The following TTC34 variants were observed in gnomAD, a reference collection of about 807,000 sequenced individuals.
TTC34 encodes the protein tetratricopeptide repeat protein 34.
In TTC34, 44 loss-of-function variants were observed where a neutral mutation model predicts 40.7. That is an observed-to-expected ratio of 1.08 (90% CI 0.85 to 1.39). TTC34 has a LOEUF of 1.39. TTC34 is among the 40% of genes most tolerant of loss of function. TTC34 has a pLI of 0.00. For missense variants in TTC34, 884 were observed against 838.0 expected, an observed-to-expected ratio of 1.05 and a Z score of -0.68; for synonymous variants, 422 against 398.6, an observed-to-expected ratio of 1.06 and a Z score of -0.70.
At chr1:2,793,758 T>C (rs542035690) in intron 2 of TTC34, among the ~76,000 whole-genome samples, 1 of 152,336 alleles carries the variant, frequency 6.6e-6, no homozygotes, top group African/African-American at 2.4e-5. Context: ...ACTTCTGAGC[T>C]CTCTAATTCA....
chr1:2,683,493 G>C, intron 6 of TTC34, among the ~76,000 whole-genome samples: 1 of 143,232 alleles, frequency 7.0e-6, no homozygotes, highest in Middle Eastern at 3.7e-3. Context: ...GCATCTGACA[G>C]CCTGGAACGG....
chr1:2,688,171 C>G (rs909228976), intron 6 of TTC34, among the ~76,000 whole-genome samples: 687 of 79,866 alleles, frequency 8.6e-3, no homozygotes, highest in African/African-American at 0.025. Flanking sequence ...CCCACACCCC[C>G]AGGCGAGCAT....
At chr1:2,687,659 A>G (rs1287670732) in intron 6 of TTC34, among the ~76,000 whole-genome samples, 6 of 151,470 alleles carry the variant, frequency 4.0e-5, no homozygotes, top group Non-Finnish European at 7.4e-5. Flanking sequence ...CCAGGTGAGC[A>G]TCTGACAGGC....
intron 2 of TTC34, among the ~76,000 whole-genome samples, chr1:2,795,643 A>G (rs1196189383): frequency 6.6e-6 from 1 of 152,210 alleles, no homozygotes; most frequent in Non-Finnish European, 1.5e-5. Flanking sequence ...CAGACCCTGC[A>G]TCTTGCTGGG....
chr1:2,801,011 G>C (rs1643766864), intron 1 of TTC34, 143 bp from the exon 2 acceptor site: 1 of 397,650 alleles, frequency 2.5e-6, no homozygotes, highest in Non-Finnish European at 4.4e-6. Flanking sequence ...AAAACTGGGG[G>C]GATCCTGGGC....
At chr1:2,772,981 C>G (rs1642510015) in intron 6 of TTC34, among the ~76,000 whole-genome samples, 1 of 147,460 alleles carries the variant, frequency 6.8e-6, no homozygotes, top group Non-Finnish European at 1.5e-5. Flanking sequence ...TGCACACCCC[C>G]AGGCGAGCAT....
At chr1:2,639,032 G>A (rs1176925518) in exon 9 of TTC34, 1 of 152,258 alleles carries the variant, frequency 6.6e-6, no homozygotes, top group East Asian at 1.9e-4. Context: ...TCCACATGGT[G>A]GAGGGGCTTG....
chr1:2,648,170 T>C (rs924242960), intron 6 of TTC34, among the ~76,000 whole-genome samples: 2 of 152,180 alleles, frequency 1.3e-5, no homozygotes, highest in Non-Finnish European at 2.9e-5. Context: ...CTTCTTCTCT[T>C]ATTACGGGTC....
exon 9 of TTC34, chr1:2,641,628 C>T (rs1638906146): frequency 6.5e-7 from 1 of 1,534,754 alleles, no homozygotes; most frequent in African/African-American, 1.4e-5. Context: ...GCGGCCGCCG[C>T]CTCATCCCCC....
At chr1:2,691,629 G>A (rs1236040782) in intron 6 of TTC34, among the ~76,000 whole-genome samples, 1 of 122,708 alleles carries the variant, frequency 8.1e-6, no homozygotes, top group Non-Finnish European at 1.8e-5. Flanking sequence ...TGCACCCCCA[G>A]GTGCGCACGT....
chr1:2,642,683 G>A (rs1049808411), intron 8 of TTC34, among the ~76,000 whole-genome samples: 4 of 152,224 alleles, frequency 2.6e-5, no homozygotes, highest in African/African-American at 9.6e-5. Flanking sequence ...CAAGGTGCAG[G>A]CCCCGCCTTT....
chr1:2,747,681 AGGTGAGCATCTGACAGCTTGGAACAG>A (rs1641197551), intron 6 of TTC34, among the ~76,000 whole-genome samples: 1 of 100,910 alleles, frequency 9.9e-6, no homozygotes, highest in African/African-American at 5.7e-5. Context: ...GCAAACCCCC[AGGTGAGCATCTGACAGCTTGGAACAG>A]CACCCCGCAC....
In TTC34 at chr1:2,699,473, A is replaced by C. The variant is rs565192549; in HGVS notation, c.2227-53910T>G. Among the ~76,000 whole-genome samples, 19 of 110,526 alleles carry C rather than the reference A, an allele frequency of 1.7e-4. 3 individuals are homozygous for C. The highest frequency in any genetic ancestry group is 7.2e-3 in the Middle Eastern group (1 of 138). The allele number at this position is 110,526 out of a possible 152,430, so 72.5% of individuals were successfully genotyped here. On this transcript the variant is annotated intron_variant, in intron 6 of 8. Transcript: ENST00000401095. The stretch of plus-strand genomic sequence containing the variant: ...CCGCACCCACAGGCGAGCATCTGAC[A>C]GCCTGGAGCAGCACCCACACACCCA...
exon 2 of TTC34, chr1:2,800,324 G>A (rs564615067): frequency 3.0e-5 from 12 of 398,560 alleles, no homozygotes; most frequent in Admixed American, 2.6e-4. Context: ...TCCGGTCGGC[G>A]CTGGAGGCGA....
At chr1:2,644,160 A>C in intron 8 of TTC34, 104 bp downstream of exon 8, 1 of 1,221,178 alleles carries the variant, frequency 8.2e-7, no homozygotes, top group Non-Finnish European at 1.1e-6. Context: ...AATCAACCCA[A>C]CCGCAGAGAG....
Position 2,645,903 on chromosome 1 carries a change from C to T in TTC34, c.2227-340G>A, listed in dbSNP as rs1281234761. Among the ~76,000 whole-genome samples the T allele has an allele frequency of 6.6e-6, 1 of 152,194 alleles. No individual in the cohort carries two copies. Among genetic ancestry groups the T allele is most frequent in the African/African-American group, 2.4e-5 (1 of 41,436 alleles). ...GTGAGCCCTCCCTGGGTCCCTCGCT[C>T]TCCCAGCTTGTAGCTGGCTCCCTCC... On this transcript the variant is annotated intron_variant, in intron 6 of 8. Transcript: ENST00000401095. The surrounding 1 kb of genome is among the most constrained non-coding windows in gnomAD (Gnocchi z 4.7).
At chr1:2,781,737 G>A (rs1643487263) in intron 6 of TTC34, among the ~76,000 whole-genome samples, 2 of 152,118 alleles carry the variant, frequency 1.3e-5, no homozygotes, top group South Asian at 4.1e-4. Context: ...AAAGGGTGCT[G>A]AATTTTGTCA....
chr1:2,787,325 G>A (rs970471981), intron 4 of TTC34, among the ~76,000 whole-genome samples, 156 bp downstream of exon 4: 3 of 152,242 alleles, frequency 2.0e-5, no homozygotes, highest in Non-Finnish European at 4.4e-5. Flanking sequence ...TCAGGTAGGT[G>A]AGGGCCTGCA....
chr1:2,683,206 TGAG>T (rs1640155748), intron 6 of TTC34, among the ~76,000 whole-genome samples: 1 of 136,758 alleles, frequency 7.3e-6, no homozygotes, highest in Non-Finnish European at 1.6e-5. Flanking sequence ...GGCGAGCATC[TGAG>T]AGCCTGGGTC....
Sources: gnomAD v4.1 joint callset for allele counts (sites outside exome capture counted in the v4.1 genomes callset) on GRCh38, gnomAD v4.1.1 for gene constraint, Gnocchi (gnomAD v3.1) non-coding constraint, MANE v1.5 for transcripts, NCBI Gene and HGNC (gene_info 2026-07-23, HGNC 2026-07-21) for gene names.